The following PPARGC1B variants were observed in gnomAD, a reference collection of about 807,000 sequenced individuals.
PPARGC1B encodes the protein PPARG coactivator 1 beta.
Under a neutral mutation model 101.6 loss-of-function variants are expected in PPARGC1B, and 34 were observed. The observed-to-expected ratio is 0.33, with a 90% CI of 0.25 to 0.45. PPARGC1B has a LOEUF of 0.45. Ranked by LOEUF, PPARGC1B falls within the 20% of genes least tolerant of loss-of-function variation. The pLI, the probability that PPARGC1B is intolerant of heterozygous loss-of-function variation, is 1.00. For missense variants in PPARGC1B, 1,234 were observed against 1,317.6 expected, an observed-to-expected ratio of 0.94 and a Z score of 0.98; for synonymous variants, 548 against 539.3, an observed-to-expected ratio of 1.02 and a Z score of -0.22.
intron 10 of PPARGC1B, among the ~76,000 whole-genome samples, chr5:149,842,910 G>T (rs1048921944): frequency 6.6e-6 from 1 of 152,156 alleles, no homozygotes; most frequent in African/African-American, 2.4e-5. Flanking sequence ...GCTCACACTT[G>T]TAATCCCAGC....
At chr5:149,844,665 G>A (rs1386229955) in intron 10 of PPARGC1B, among the ~76,000 whole-genome samples, 2 of 152,148 alleles carry the variant, frequency 1.3e-5, no homozygotes, top group Non-Finnish European at 2.9e-5. Flanking sequence ...AGATAAAGAG[G>A]CAGAAGGGTT....
Position 149,836,364 on chromosome 5 carries a change from C to G in PPARGC1B, c.1909C>G (p.Pro637Ala). Reference sequence around the variant, plus strand: ...AGGCAAAGAAATAGCTCTCAGCCTCCCCTCCCCTGAGGGCCTCTCACTCAA... The same window carrying G: ...AGGCAAAGAAATAGCTCTCAGCCTCGCCTCCCCTGAGGGCCTCTCACTCAA... ...SLGKEIALSL[P>A]SPEGLSLKAT... The change falls in exon 8 of 12, where the codon CCC (proline) becomes GCC (alanine). Residue 637 changes from proline to alanine, a missense_variant. By Grantham distance (27) the Pro-to-Ala change is conservative. Around this residue, in one of 3 missense-constraint regions of PPARGC1B, gnomAD observed 497 missense variants for 529.5 expected, o/e 0.94. Coordinates refer to ENST00000309241, the MANE Select transcript of PPARGC1B (RefSeq NM_133263.4). 1 of 1,614,078 alleles carries G rather than the reference C, an allele frequency of 6.2e-7. No homozygotes were observed. Among genetic ancestry groups the G allele is most frequent in the East Asian group, 2.2e-5 (1 of 44,852 alleles).
chr5:149,840,391 G>T (rs73796291), intron 9 of PPARGC1B, among the ~76,000 whole-genome samples: 10 of 152,334 alleles, frequency 6.6e-5, no homozygotes, highest in African/African-American at 2.4e-4. Context: ...AGGGCTCAGC[G>T]TCAGGGGCCT....
In PPARGC1B at chr5:149,830,672, G is replaced by A. The variant is rs1581106350; in HGVS notation, c.466-95G>A. 4.7e-6 allele frequency: 4 copies of A among 856,630 alleles called. No homozygotes were observed. The East Asian group carries it at 9.7e-5, about 21-fold the overall frequency. The allele number at this position is 856,630 out of a possible 1,614,324, so 53.1% of individuals were successfully genotyped here. On this transcript the variant is annotated intron_variant, in intron 3 of 11. Transcript: ENST00000309241. ...CCCTGTGTTCTCCCTGTGGTCCTGT[G>A]ATGCCCAAGGTCAGTCCTGAGGGGC...
chr5:149,783,478 A>G (rs2113230051), intron 1 of PPARGC1B, among the ~76,000 whole-genome samples: 1 of 152,316 alleles, frequency 6.6e-6, no homozygotes, highest in East Asian at 1.9e-4. Flanking sequence ...TGAGTACCAG[A>G]TAAGCGAGTG....
chr5:149,792,491 T>C (rs1757057134), intron 1 of PPARGC1B, among the ~76,000 whole-genome samples: 1 of 152,140 alleles, frequency 6.6e-6, no homozygotes, highest in Non-Finnish European at 1.5e-5. Context: ...TGGAATGGAA[T>C]TGGAGCTCAG....
intron 2 of PPARGC1B, among the ~76,000 whole-genome samples, chr5:149,822,527 G>A (rs1758343715): frequency 6.6e-6 from 1 of 152,260 alleles, no homozygotes; most frequent in Non-Finnish European, 1.5e-5. Context: ...GAAACTCTGA[G>A]TGTGGGCTGT....
chr5:149,731,277 GGA>G (rs1373574043), intron 1 of PPARGC1B, among the ~76,000 whole-genome samples: 2 of 152,136 alleles, frequency 1.3e-5, no homozygotes, highest in African/African-American at 4.8e-5. Flanking sequence ...TTGGAGACTG[GGA>G]GAGGGGTGCT....
At chr5:149,774,842 A>C (rs2113201346) in intron 1 of PPARGC1B, among the ~76,000 whole-genome samples, 1 of 152,188 alleles carries the variant, frequency 6.6e-6, no homozygotes, top group South Asian at 2.1e-4. Context: ...CATGGGAGTC[A>C]TGGAGACCAG....
At chr5:149,755,551 T>C (rs190802509) in intron 1 of PPARGC1B, among the ~76,000 whole-genome samples, 67 of 152,112 alleles carry the variant, frequency 4.4e-4, no homozygotes, top group Middle Eastern at 3.4e-3. Context: ...AGAAGATGGC[T>C]GAAACAGTGC....
Position 149,830,764 on chromosome 5 carries a change from CAGCTGCAGA to C in PPARGC1B, c.468_476del (p.Gln157_Leu159del). 6.2e-7 allele frequency: 1 copy of C among 1,610,854 alleles called. No homozygotes were observed. Among genetic ancestry groups the C allele is most frequent in the Non-Finnish European group, 8.5e-7 (1 of 1,177,002 alleles). ...GCTCCTGTCCTCTCTGCTTTTCCCT[CAGCTGCAGA>C]AGCTCCTCCTGGCCACATCCTACCC... On this transcript the variant is annotated splice_acceptor_variant and coding_sequence_variant, in exon 4 of 12. Transcript: ENST00000309241. LOFTEE classifies it high-confidence loss of function.
At chr5:149,838,050 T>A (rs1358262988) in intron 8 of PPARGC1B, among the ~76,000 whole-genome samples, 2 of 152,212 alleles carry the variant, frequency 1.3e-5, no homozygotes, top group Non-Finnish European at 2.9e-5. Context: ...TAGAGTATCA[T>A]ACTCTGAGAC....
chr5:149,759,741 C>G (rs1158017623), intron 1 of PPARGC1B, among the ~76,000 whole-genome samples: 1 of 152,218 alleles, frequency 6.6e-6, no homozygotes, highest in Non-Finnish European at 1.5e-5. Flanking sequence ...ATGCTGCCAG[C>G]AGCAGCATGG....
At chr5:149,767,476 A>G (rs1755954290) in intron 1 of PPARGC1B, among the ~76,000 whole-genome samples, 2 of 152,198 alleles carry the variant, frequency 1.3e-5, no homozygotes, top group Non-Finnish European at 2.9e-5. Flanking sequence ...AGATGGCATT[A>G]GGATGTGCTC....
At chr5:149,784,728 CG>C in intron 1 of PPARGC1B, among the ~76,000 whole-genome samples, 1 of 152,038 alleles carries the variant, frequency 6.6e-6, no homozygotes, top group African/African-American at 2.4e-5. Context: ...CCACCACGCC[CG>C]GCTAATTTTT....
rs924000196 is a variant in PPARGC1B, at chr5:149,832,371, G to C, written c.583-285G>C. On this transcript the variant is annotated intron_variant, in intron 4 of 11. Transcript: ENST00000309241. The surrounding 1 kb of genome is among the most constrained non-coding windows in gnomAD (Gnocchi z 4.9). The stretch of plus-strand genomic sequence containing the variant: ...GCTGAGGGGTACGGAGCAGGGAGGC[G>C]GAATGGTCAGAGTGGGGCTTTGTCA... 6.6e-6 allele frequency among the ~76,000 whole-genome samples: 1 copy of C among 152,150 alleles called. No homozygotes were observed. The highest frequency in any genetic ancestry group is 1.5e-5 in the Non-Finnish European group (1 of 68,032).
At chr5:149,772,021 G>T (rs1756150706) in intron 1 of PPARGC1B, 2 of 1,485,178 alleles carry the variant, frequency 1.3e-6, no homozygotes, top group African/African-American at 1.4e-5. Context: ...GCTCAGAGAA[G>T]TGAAGGTTTC....
In PPARGC1B at chr5:149,730,876, G is replaced by C. The variant is rs1754431685; in HGVS notation, c.78+456G>C. Among the ~76,000 whole-genome samples the C allele has an allele frequency of 6.6e-6, 1 of 152,234 alleles. No individual in the cohort carries two copies. Among genetic ancestry groups the C allele is most frequent in the South Asian group, 2.1e-4 (1 of 4,838 alleles). On this transcript the variant is annotated intron_variant, in intron 1 of 11. Coordinates refer to ENST00000309241, the MANE Select transcript of PPARGC1B (RefSeq NM_133263.4). The surrounding 1 kb of genome is among the most constrained non-coding windows in gnomAD (Gnocchi z 4.0). ...GTCTCCGGAGTCCCCTAGTCCTCCAGGCTGTAGTCCCCAGAGTGCTGTTGC... is the reference window on the plus strand; with the variant it reads ...GTCTCCGGAGTCCCCTAGTCCTCCACGCTGTAGTCCCCAGAGTGCTGTTGC...
At chr5:149,826,290 G>T (rs1461526221) in intron 2 of PPARGC1B, among the ~76,000 whole-genome samples, 1 of 152,170 alleles carries the variant, frequency 6.6e-6, no homozygotes. Flanking sequence ...GCTGTAACGG[G>T]TTGCTGCTAC....
Sources: gnomAD v4.1 joint callset for allele counts (sites outside exome capture counted in the v4.1 genomes callset) on GRCh38, gnomAD v4.1.1 for gene constraint, gnomAD v4.1.1 regional missense constraint, Gnocchi (gnomAD v3.1) non-coding constraint, MANE v1.5 for transcripts, NCBI Gene and HGNC (gene_info 2026-07-23, HGNC 2026-07-21) for gene names.